Variants in DLG2 observed in about 807,000 individuals in gnomAD.
DLG2 encodes the protein disks large homolog 2.
In DLG2, 45 loss-of-function variants were observed where a neutral mutation model predicts 132.5. That is an observed-to-expected ratio of 0.34 (90% CI 0.27 to 0.44). The LOEUF is 0.44. Ranked by LOEUF, DLG2 falls within the 20% of genes least tolerant of loss-of-function variation. DLG2 has a pLI of 1.00. For synonymous variants in DLG2, 424 were observed against 419.6 expected (o/e 1.01, Z -0.13); for missense variants, 1,045 against 1,196.9 (o/e 0.87, Z 1.87).
rs558905379 is a variant in DLG2 at position 84,385,777 on chromosome 11, A to G, written c.520-134486T>C. Among the ~76,000 whole-genome samples the G allele has an allele frequency of 2.6e-4, 40 of 152,266 alleles. 1 individual carries two copies. The highest frequency in any genetic ancestry group is 4.4e-4 in the Non-Finnish European group (30 of 67,974). ...AGTCCAATGGGAGCCTACAATTAAG[A>G]CTTGCAAATAGTAATTGCTCGATAA... On this transcript the variant is annotated intron_variant, in intron 7 of 27. Transcript: ENST00000376104.
intron 3 of DLG2, among the ~76,000 whole-genome samples, chr11:85,508,040 T>C (rs1029825356): frequency 1.3e-5 from 2 of 152,148 alleles, no homozygotes; most frequent in Non-Finnish European, 2.9e-5. Context: ...TCTCGTGCCA[T>C]GGTTTTCAGC....
intron 6 of DLG2, among the ~76,000 whole-genome samples, chr11:85,030,712 G>T (rs941400416): frequency 6.6e-6 from 1 of 151,840 alleles, no homozygotes; most frequent in Admixed American, 6.6e-5. Flanking sequence ...GAAATTTTTG[G>T]TATTATTTAT....
At chr11:85,110,230 C>T (rs2072482544) in intron 6 of DLG2, among the ~76,000 whole-genome samples, 1 of 151,632 alleles carries the variant, frequency 6.6e-6, no homozygotes, top group South Asian at 2.1e-4. Flanking sequence ...TTCAACAGGG[C>T]AAAACCTCGT....
chr11:85,350,563 T>A (rs2083208186), intron 3 of DLG2, among the ~76,000 whole-genome samples: 1 of 152,234 alleles, frequency 6.6e-6, no homozygotes, highest in East Asian at 1.9e-4. Flanking sequence ...AAGTCTCTAA[T>A]CTATCTTGAA....
chr11:84,702,961 A>C (rs1352757623), intron 6 of DLG2, among the ~76,000 whole-genome samples: 1 of 151,692 alleles, frequency 6.6e-6, no homozygotes. Context: ...TGAACTAATA[A>C]TTACATATTG....
At chr11:84,650,740 C>T (rs2099680523) in intron 6 of DLG2, among the ~76,000 whole-genome samples, 1 of 151,568 alleles carries the variant, frequency 6.6e-6, no homozygotes, top group Non-Finnish European at 1.5e-5. Flanking sequence ...GAGGCTCTCC[C>T]AATAAGTATA....
intron 9 of DLG2, among the ~76,000 whole-genome samples, chr11:84,113,821 G>A (rs2093485396): frequency 6.6e-6 from 1 of 152,232 alleles, no homozygotes; most frequent in Non-Finnish European, 1.5e-5. Context: ...AAAGTTCAAT[G>A]ATAGAGTCTC....
chr11:84,059,254 G>A lies in DLG2; in HGVS notation c.919+61C>T. 8 of 1,511,858 alleles carry A rather than the reference G, an allele frequency of 5.3e-6. No homozygotes were observed. The South Asian group carries it at 9.2e-5, about 17-fold the overall frequency. The allele number at this position is 1,511,858 out of a possible 1,614,324, so 93.7% of individuals were successfully genotyped here. Reference sequence around the variant, plus strand: ...AAGAGTTCATCATACGACTATCGTGGCATAAACTTCAGTCAGATGGTTTGT... The same window carrying A: ...AAGAGTTCATCATACGACTATCGTGACATAAACTTCAGTCAGATGGTTTGT... On this transcript the variant is annotated intron_variant, in intron 11 of 27. Transcript: ENST00000376104.
chr11:85,577,200 T>C (rs573213284), intron 3 of DLG2, among the ~76,000 whole-genome samples: 39 of 152,262 alleles, frequency 2.6e-4, no homozygotes, highest in African/African-American at 8.7e-4. Context: ...CTGTATGCTA[T>C]GCAGAGAACA....
At chr11:85,342,152 A>G (rs1694375177) in intron 3 of DLG2, among the ~76,000 whole-genome samples, 1 of 152,206 alleles carries the variant, frequency 6.6e-6, no homozygotes, top group African/African-American at 2.4e-5. Context: ...TAATTACATT[A>G]GCTTAATATA....
intron 18 of DLG2, among the ~76,000 whole-genome samples, chr11:83,739,529 C>T (rs577035953): frequency 2.0e-5 from 3 of 151,602 alleles, no homozygotes; most frequent in Non-Finnish European, 4.4e-5. Flanking sequence ...AAAAAATGAC[C>T]GAGAGATTTG....
At chr11:84,938,237 C>A (rs1022351905) in intron 6 of DLG2, among the ~76,000 whole-genome samples, 13 of 152,096 alleles carry the variant, frequency 8.5e-5, no homozygotes, top group Non-Finnish European at 8.8e-5. Flanking sequence ...ATTATGTCCC[C>A]ATAGCATCTT....
At chr11:84,595,286 T>G (rs902676364) in intron 6 of DLG2, among the ~76,000 whole-genome samples, 1 of 152,036 alleles carries the variant, frequency 6.6e-6, no homozygotes, top group African/African-American at 2.4e-5. Flanking sequence ...TGTATTATTT[T>G]GAGATTTGGA....
intron 16 of DLG2, among the ~76,000 whole-genome samples, chr11:83,866,688 G>T (rs1357287800): frequency 2.6e-5 from 4 of 152,242 alleles, no homozygotes; most frequent in Middle Eastern, 3.4e-3. Flanking sequence ...TTTCAAGGAA[G>T]ATATACACGG....
At chr11:84,194,856 G>T (rs541250295) in intron 8 of DLG2, among the ~76,000 whole-genome samples, 29 of 152,248 alleles carry the variant, frequency 1.9e-4, no homozygotes, top group African/African-American at 6.5e-4. Flanking sequence ...GCCTCTCACT[G>T]CCTGGGGCCG....
intron 6 of DLG2, among the ~76,000 whole-genome samples, chr11:85,068,490 A>T (rs1349487650): frequency 1.3e-5 from 2 of 152,158 alleles, no homozygotes; most frequent in Non-Finnish European, 2.9e-5. Context: ...AATCACAAGC[A>T]TTCTTATACA....
At chr11:84,100,550 C>T (rs908065526) in intron 9 of DLG2, among the ~76,000 whole-genome samples, 3 of 151,608 alleles carry the variant, frequency 2.0e-5, no homozygotes, top group Non-Finnish European at 4.4e-5. Context: ...TATAAATATT[C>T]GTCTTAAATG....
At chr11:84,090,667 A>G (rs1335660790) in intron 10 of DLG2, among the ~76,000 whole-genome samples, 2 of 152,220 alleles carry the variant, frequency 1.3e-5, no homozygotes, top group Non-Finnish European at 2.9e-5. Context: ...ATTGTTGGTA[A>G]AAGTAAAATT....
intron 3 of DLG2, among the ~76,000 whole-genome samples, chr11:85,382,008 T>C (rs1036174866): frequency 2.0e-5 from 3 of 152,152 alleles, no homozygotes; most frequent in Non-Finnish European, 4.4e-5. Context: ...ATGACTTTTT[T>C]CTAGACATTG....
Sources: allele counts gnomAD v4.1 joint callset (sites outside exome capture counted in the v4.1 genomes callset), GRCh38; gene constraint gnomAD v4.1.1; transcripts MANE v1.5; gene names NCBI Gene and HGNC (gene_info 2026-07-23, HGNC 2026-07-21).